The following ATG10 variants were observed in gnomAD, a reference collection of about 807,000 sequenced individuals.
ATG10 encodes ubiquitin-like-conjugating enzyme ATG10.
In ATG10, 30 loss-of-function variants were observed where a neutral mutation model predicts 32.1. The observed-to-expected ratio is 0.94, with a 90% CI of 0.70 to 1.27. The LOEUF (loss-of-function observed/expected upper bound fraction) is 1.27, where lower values mean the gene tolerates loss of function less well. ATG10 is among the 50% of genes most tolerant of loss of function. The pLI is 0.00. For synonymous variants in ATG10, 87 were observed against 91.5 expected (o/e 0.95, Z 0.28); for missense variants, 233 against 262.3 (o/e 0.89, Z 0.77).
intron 3 of ATG10, among the ~76,000 whole-genome samples, chr5:82,104,453 A>G (rs941153851): frequency 1.3e-5 from 2 of 151,828 alleles, no homozygotes; most frequent in African/African-American, 4.8e-5. Context: ...TCAGTTTTAG[A>G]TGAAATTTTG....
At chr5:82,105,638 A>G (rs950789042) in intron 3 of ATG10, among the ~76,000 whole-genome samples, 6 of 152,134 alleles carry the variant, frequency 3.9e-5, no homozygotes, top group African/African-American at 1.4e-4. Context: ...AATGAGTCAG[A>G]GGGAGTCTGG....
chr5:81,977,496 GCCCCTTGAAGAGCGGGTTC>G (rs1413518482), intron 1 of ATG10, among the ~76,000 whole-genome samples: 1 of 152,102 alleles, frequency 6.6e-6, no homozygotes, highest in Non-Finnish European at 1.5e-5. Context: ...TTTCCAAGCA[GCCCCTTGAAGAGCGGGTTC>G]CCCATAAAGT....
At chr5:82,075,227 T>C (rs1056022398) in intron 3 of ATG10, among the ~76,000 whole-genome samples, 2 of 152,148 alleles carry the variant, frequency 1.3e-5, no homozygotes, top group Non-Finnish European at 2.9e-5. Flanking sequence ...CAGCAAGGAC[T>C]CTTTGTTTAA....
At chr5:82,074,310 A>C (rs888862151) in intron 3 of ATG10, among the ~76,000 whole-genome samples, 2 of 152,204 alleles carry the variant, frequency 1.3e-5, no homozygotes, top group African/African-American at 4.8e-5. Flanking sequence ...GCCATCTCAC[A>C]ATGTGAAAAC....
chr5:82,114,514 A>G (rs1389944582), intron 3 of ATG10, among the ~76,000 whole-genome samples: 2 of 152,094 alleles, frequency 1.3e-5, no homozygotes, highest in Non-Finnish European at 2.9e-5. Context: ...AATTACAGCT[A>G]TATTTTGAGT....
chr5:82,079,214 T>C (rs114585879), intron 3 of ATG10, among the ~76,000 whole-genome samples: 54 of 152,246 alleles, frequency 3.5e-4, no homozygotes, highest in African/African-American at 1.2e-3. Context: ...GATAGAGATA[T>C]ACCCGAGACT....
chr5:82,157,377 T>G (rs1194775372), intron 3 of ATG10, among the ~76,000 whole-genome samples: 3 of 152,194 alleles, frequency 2.0e-5, no homozygotes, highest in Admixed American at 2.0e-4. Flanking sequence ...TAGACATATG[T>G]TGAACCCGCT....
chr5:82,000,995 G>A (rs1351404588), intron 2 of ATG10, among the ~76,000 whole-genome samples: 2 of 152,048 alleles, frequency 1.3e-5, no homozygotes, highest in Non-Finnish European at 2.9e-5. Flanking sequence ...CAATATCCAA[G>A]CTGAGAGCCA....
chr5:82,133,481 T>C (rs1480462194), intron 3 of ATG10, among the ~76,000 whole-genome samples: 3 of 152,142 alleles, frequency 2.0e-5, no homozygotes. Context: ...GAATAGGGAA[T>C]CTTTTCCCTA....
intron 4 of ATG10, among the ~76,000 whole-genome samples, chr5:82,173,793 TAA>T (rs1336640361): frequency 6.6e-6 from 1 of 152,152 alleles, no homozygotes; most frequent in African/African-American, 2.4e-5. Flanking sequence ...AGGCCAGATG[TAA>T]AAAAATAGAC....
At chr5:82,121,175 T>C (rs1396634772) in intron 3 of ATG10, among the ~76,000 whole-genome samples, 2 of 152,164 alleles carry the variant, frequency 1.3e-5, no homozygotes, top group African/African-American at 2.4e-5. Flanking sequence ...TGGGGAATTA[T>C]GGGAACTCCT....
chr5:82,237,737 T>C (rs1432300960), intron 5 of ATG10, among the ~76,000 whole-genome samples: 1 of 152,164 alleles, frequency 6.6e-6, no homozygotes, highest in African/African-American at 2.4e-5. Flanking sequence ...ATGTGTACCT[T>C]TGAGTAGCCA....
chr5:82,032,904 C>G (rs1160078769), intron 2 of ATG10, among the ~76,000 whole-genome samples: 1 of 152,070 alleles, frequency 6.6e-6, no homozygotes, highest in African/African-American at 2.4e-5. Flanking sequence ...AGTTTAGAAA[C>G]TTGTCCAAAG....
intron 5 of ATG10, among the ~76,000 whole-genome samples, chr5:82,196,845 T>G (rs1744869063): frequency 6.6e-6 from 1 of 152,230 alleles, no homozygotes; most frequent in Non-Finnish European, 1.5e-5. Flanking sequence ...AACTTTGTTC[T>G]TCTTTTTGAA....
At position 82,083,400 on chromosome 5, in the gene ATG10, G is replaced by A. The variant is rs113764187; in HGVS notation, c.216+24798G>A. 3.7e-3 allele frequency among the ~76,000 whole-genome samples: 566 copies of A among 152,290 alleles called. 3 individuals are homozygous for A. The highest frequency in any genetic ancestry group is 0.013 in the African/African-American group (536 of 41,560). ...GCCTGCCTCTGTAGACTCCACTTCT[G>A]GGGGAAGGGCATAGCTGAACAAAAG... On this transcript the variant is annotated intron_variant, in intron 3 of 7. Transcript: ENST00000282185.
chr5:82,037,234 C>CT (rs1166784267), intron 2 of ATG10, among the ~76,000 whole-genome samples: 5,751 of 36,756 alleles, frequency 0.16, 2,553 homozygotes, highest in Non-Finnish European at 0.22. Context: ...ATCTCATTTA[C>CT]TTTTTTTTTT....
chr5:82,083,044 C>T (rs979279302), intron 3 of ATG10, among the ~76,000 whole-genome samples: 13 of 152,176 alleles, frequency 8.5e-5, no homozygotes, highest in South Asian at 2.1e-4. Flanking sequence ...TCGCCTCACC[C>T]GGGAAGCACA....
intron 3 of ATG10, among the ~76,000 whole-genome samples, chr5:82,103,185 A>C (rs1278543922): frequency 1.3e-5 from 2 of 152,210 alleles, no homozygotes; most frequent in African/African-American, 4.8e-5. Flanking sequence ...AATACCTATT[A>C]TGTAAGGGTT....
At chr5:82,178,647 C>G (rs1342567683) in intron 5 of ATG10, 60 bp downstream of exon 5, 1 of 1,118,514 alleles carries the variant, frequency 8.9e-7, no homozygotes, top group East Asian at 2.4e-5. Flanking sequence ...CGCTGCTCAT[C>G]TTTTCTGCTA....
Sources: gnomAD v4.1 joint callset for allele counts (sites outside exome capture counted in the v4.1 genomes callset) on GRCh38, gnomAD v4.1.1 for gene constraint, MANE v1.5 for transcripts, NCBI Gene and HGNC (gene_info 2026-07-23, HGNC 2026-07-21) for gene names.